Variants in MTHFD1L observed in about 807,000 individuals in gnomAD.
MTHFD1L encodes methylenetetrahydrofolate dehydrogenase (NADP+ dependent) 1 like.
In MTHFD1L, 81 loss-of-function variants were observed where a neutral mutation model predicts 119.5. That is an observed-to-expected ratio of 0.68 (90% CI 0.57 to 0.82). The LOEUF (loss-of-function observed/expected upper bound fraction) is 0.82, where lower values mean the gene tolerates loss of function less well. MTHFD1L is among the 40% of genes least tolerant of loss of function. The pLI is 0.00. For synonymous variants in MTHFD1L, 430 were observed against 475.2 expected, an observed-to-expected ratio of 0.90 and a Z score of 1.24; for missense variants, 1,125 against 1,253.4, an observed-to-expected ratio of 0.90 and a Z score of 1.55.
rs570827394 is a variant in MTHFD1L at position 151,000,360 on chromosome 6, A to T, written c.2126-9459A>T. On this transcript the variant is annotated intron_variant, in intron 20 of 27. Transcript: ENST00000367321. ...CAAAAAAAAAAAAAAAAAGAAAAAAATTGAGGTTTGTGCCAGTTTCTTTTT... is the reference window on the plus strand; with the variant it reads ...CAAAAAAAAAAAAAAAAAGAAAAAATTTGAGGTTTGTGCCAGTTTCTTTTT... Among the ~76,000 whole-genome samples the T allele has an allele frequency of 4.6e-5, 7 of 152,028 alleles. 1 individual carries two copies. The South Asian group carries it at 1.5e-3, about 32-fold the overall frequency.
chr6:150,937,010 G>A, intron 12 of MTHFD1L, 70 bp downstream of exon 12: 1 of 1,558,324 alleles, frequency 6.4e-7, no homozygotes, highest in East Asian at 2.3e-5. Flanking sequence ...AAAGAACATT[G>A]TCAACAGATA....
chr6:150,903,203 ATTTTTTTTTT>A lies in MTHFD1L; in HGVS notation c.781-2424_781-2415del, dbSNP rs774695918. 3.4e-3 allele frequency among the ~76,000 whole-genome samples: 289 copies of A among 85,482 alleles called. 5 individuals carry two copies. Among genetic ancestry groups the A allele is most frequent in the African/African-American group, 0.014 (280 of 19,996 alleles). The allele number at this position is 85,482 out of a possible 152,430, so 56.1% of individuals were successfully genotyped here. A position where few individuals can be genotyped will look rare whatever the true frequency, so the allele number is the denominator to read the frequency against. On this transcript the variant is annotated intron_variant, in intron 7 of 27. Coordinates refer to ENST00000367321, the MANE Select transcript of MTHFD1L (RefSeq NM_015440.5). ...GATTGCTGGTGATATTGGCTGCAAA[ATTTTTTTTTT>A]TTTTTTTTTTTTTTTTTTTTTTGAG...
chr6:150,930,763 G>A (rs1790901654), intron 11 of MTHFD1L, among the ~76,000 whole-genome samples: 1 of 151,812 alleles, frequency 6.6e-6, no homozygotes, highest in Non-Finnish European at 1.5e-5. Flanking sequence ...AAATATATCA[G>A]CAATGGGATT....
At chr6:151,023,531 C>A (rs1784244118) in intron 24 of MTHFD1L, among the ~76,000 whole-genome samples, 1 of 152,156 alleles carries the variant, frequency 6.6e-6, no homozygotes, top group African/African-American at 2.4e-5. Flanking sequence ...GAGGGATCTG[C>A]ACCTGTCATG....
At chr6:150,930,006 A>T (rs1472857675) in intron 11 of MTHFD1L, among the ~76,000 whole-genome samples, 2 of 152,178 alleles carry the variant, frequency 1.3e-5, no homozygotes, top group East Asian at 3.9e-4. Context: ...TCTCCCCAAC[A>T]CAACAAATGA....
At chr6:150,898,174 A>C (rs916773310) in intron 7 of MTHFD1L, among the ~76,000 whole-genome samples, 1 of 152,216 alleles carries the variant, frequency 6.6e-6, no homozygotes, top group Non-Finnish European at 1.5e-5. Flanking sequence ...GGAACGTCTT[A>C]AACATAACCT....
intron 27 of MTHFD1L, among the ~76,000 whole-genome samples, chr6:151,093,993 G>A (rs1794683443): frequency 6.6e-6 from 1 of 152,110 alleles, no homozygotes; most frequent in African/African-American, 2.4e-5. Context: ...CATACCTGCT[G>A]GCTTCTATCC....
chr6:150,950,705 T>C (rs1794724636), intron 16 of MTHFD1L, among the ~76,000 whole-genome samples: 1 of 152,214 alleles, frequency 6.6e-6, no homozygotes, highest in East Asian at 1.9e-4. Flanking sequence ...TCACTTGCCC[T>C]GTCACCTAGG....
chr6:150,915,791 A>G (rs1023049569), intron 8 of MTHFD1L, among the ~76,000 whole-genome samples: 3 of 152,070 alleles, frequency 2.0e-5, no homozygotes, highest in Admixed American at 6.6e-5. Context: ...TTTAGTAGAG[A>G]CAGGGTTTCA....
At chr6:151,026,820 C>T (rs538275790) in intron 24 of MTHFD1L, among the ~76,000 whole-genome samples, 59 of 51,264 alleles carry the variant, frequency 1.2e-3, no homozygotes, top group African/African-American at 2.1e-3. Flanking sequence ...CCTTTCTATC[C>T]TTTTTTTTTT....
intron 20 of MTHFD1L, among the ~76,000 whole-genome samples, chr6:151,000,627 T>G (rs1343308412): frequency 6.6e-6 from 1 of 152,262 alleles, no homozygotes; most frequent in Non-Finnish European, 1.5e-5. Flanking sequence ...CTCTTATAGT[T>G]AATTGAATGA....
chr6:151,085,299 T>A (rs1016695473), intron 26 of MTHFD1L, among the ~76,000 whole-genome samples: 1 of 152,096 alleles, frequency 6.6e-6, no homozygotes, highest in Non-Finnish European at 1.5e-5. Flanking sequence ...ATAATTGTAC[T>A]TGTTCAGTCA....
intron 11 of MTHFD1L, among the ~76,000 whole-genome samples, chr6:150,930,438 G>A (rs2128920654): frequency 6.6e-6 from 1 of 152,168 alleles, no homozygotes; most frequent in Non-Finnish European, 1.5e-5. Flanking sequence ...TCCATTAAAT[G>A]GAGAATTATT....
intron 20 of MTHFD1L, among the ~76,000 whole-genome samples, chr6:150,994,320 C>T (rs1202823574): frequency 2.0e-5 from 3 of 152,098 alleles, no homozygotes; most frequent in Admixed American, 6.5e-5. Context: ...AAATCACATA[C>T]AACATACCTG....
At chr6:150,982,046 C>T (rs1230985026) in intron 20 of MTHFD1L, among the ~76,000 whole-genome samples, 4 of 151,876 alleles carry the variant, frequency 2.6e-5, no homozygotes, top group Non-Finnish European at 5.9e-5. Context: ...ATGATCACAC[C>T]TAGCTACTTG....
intron 15 of MTHFD1L, among the ~76,000 whole-genome samples, chr6:150,945,907 G>T (rs1380895910): frequency 6.6e-6 from 1 of 152,050 alleles, no homozygotes; most frequent in Middle Eastern, 3.2e-3. Context: ...GATGTGAGAG[G>T]TTTGCTTGAG....
chr6:150,930,002 CA>C (rs1475362619), intron 11 of MTHFD1L, among the ~76,000 whole-genome samples: 2 of 152,152 alleles, frequency 1.3e-5, no homozygotes, highest in Non-Finnish European at 2.9e-5. Flanking sequence ...CCCTTCTCCC[CA>C]ACACAACAAA....
chr6:150,920,943 T>A, intron 9 of MTHFD1L, among the ~76,000 whole-genome samples: 1 of 44,872 alleles, frequency 2.2e-5, no homozygotes, highest in South Asian at 8.4e-4. Context: ...CAGATAATTT[T>A]TTTTTTTTTT....
At chr6:150,875,358 T>A (rs558095801) in intron 1 of MTHFD1L, among the ~76,000 whole-genome samples, 1 of 152,094 alleles carries the variant, frequency 6.6e-6, no homozygotes, top group South Asian at 2.1e-4. Context: ...CTTCTACCAC[T>A]TTTACCTAGG....
Sources: allele counts gnomAD v4.1 joint callset (sites outside exome capture counted in the v4.1 genomes callset), GRCh38; gene constraint gnomAD v4.1.1; transcripts MANE v1.5; gene names NCBI Gene and HGNC (gene_info 2026-07-23, HGNC 2026-07-21).